Variants in ZNF646 observed in about 807,000 individuals in gnomAD.
ZNF646 encodes the protein zinc finger protein 646.
Under a neutral mutation model 115.4 loss-of-function variants are expected in ZNF646, and 49 were observed. The observed-to-expected ratio is 0.42, with a 90% CI of 0.34 to 0.54. The LOEUF is 0.54. Ranked by LOEUF, ZNF646 falls within the 20% of genes least tolerant of loss-of-function variation. The pLI is 0.04. For missense variants in ZNF646, 2,269 were observed against 2,457.9 expected (o/e 0.92, Z 1.62); for synonymous variants, 933 against 939.0 (o/e 0.99, Z 0.12).
At position 31,077,758 on chromosome 16, in the gene ZNF646, G is replaced by T; in HGVS notation, c.1434G>T (p.Gly478=). 6.2e-7 allele frequency: 1 copy of T among 1,614,040 alleles called. No individual in the cohort carries two copies. The highest frequency in any genetic ancestry group is 1.1e-5 in the South Asian group (1 of 91,088). ...SECGRAYRHR[G]SLVNHRHSHR... is the part of the protein sequence containing the mutation. Reference sequence around the variant, plus strand: ...GTGGTCGTGCTTACCGCCACCGGGGGAGCCTGGTGAACCATCGCCACAGCC... The same window carrying T: ...GTGGTCGTGCTTACCGCCACCGGGGTAGCCTGGTGAACCATCGCCACAGCC... Residue 478 remains glycine, a synonymous_variant, in exon 2 of 3, where the codon GGG becomes GGT. Coordinates refer to ENST00000300850, the MANE Select transcript of ZNF646 (RefSeq NM_014699.4).
intron 2 of ZNF646, chr16:31,082,492 G>A (rs2057175828): frequency 1.0e-5 from 2 of 192,040 alleles, no homozygotes; most frequent in South Asian, 2.4e-4. Flanking sequence ...AGCAACAACA[G>A]TCATTAGCCC....
chr16:31,081,439 G>T lies in ZNF646; in HGVS notation c.5115G>T (p.Pro1705=), dbSNP rs146321958. The T allele has an allele frequency of 6.2e-7, 1 of 1,614,136 alleles. No individual in the cohort carries two copies. Among genetic ancestry groups the T allele is most frequent in the South Asian group, 1.1e-5 (1 of 91,088 alleles). Reference sequence around the variant, plus strand: ...AGGCCCACACCACAGGGTTGTACCCGTGCTCCCTCTGTCCCAAACTTCTCC... The same window carrying T: ...AGGCCCACACCACAGGGTTGTACCCTTGCTCCCTCTGTCCCAAACTTCTCC... ...HQKAHTTGLY[P]CSLCPKLLPN... The change falls in exon 2 of 3, where the codon CCG becomes CCT. Residue 1705 remains proline, a synonymous_variant. Transcript: ENST00000300850.
chr16:31,078,354 G>C lies in ZNF646; in HGVS notation c.2030G>C (p.Arg677Pro). ...CGGCGGAGCAGGCGGCATCGGAAGC[G>C]GGCTGGCGGTGCCAGCGGTGGGAGA... ...SRRRSRRHRK[R>P]AGGASGGREA... The change falls in exon 2 of 3, where the codon CGG (arginine) becomes CCG (proline). Residue 677 changes from arginine (R) to proline (P), a missense_variant. Coordinates refer to ENST00000300850, the MANE Select transcript of ZNF646 (RefSeq NM_014699.4). 1.9e-6 allele frequency: 3 copies of C among 1,613,176 alleles called. No homozygotes were observed. The Admixed American group carries it at 5.0e-5, about 27-fold the overall frequency.
intron 1 of ZNF646, among the ~76,000 whole-genome samples, chr16:31,075,116 T>C (rs1379307702): frequency 2.6e-5 from 4 of 151,922 alleles, no homozygotes; most frequent in Non-Finnish European, 5.9e-5. Flanking sequence ...TCATCATCAG[T>C]ATTAAGAGAG....
At position 31,079,951 on chromosome 16, in the gene ZNF646, C is replaced by T. The variant is rs371439203; in HGVS notation, c.3627C>T (p.Gly1209=). Reference sequence around the variant, plus strand: ...GGCCCTTCAGCTGCGAGGTGTGTGGCCGATCCTACAAGCACGCCGGCAGCC... The same window carrying T: ...GGCCCTTCAGCTGCGAGGTGTGTGGTCGATCCTACAAGCACGCCGGCAGCC... The part of the protein sequence containing the change: ...SERPFSCEVC[G]RSYKHAGSLI... Residue 1209 remains glycine (G), a synonymous_variant, in exon 2 of 3, where the codon GGC becomes GGT. Coordinates refer to ENST00000300850, the MANE Select transcript of ZNF646 (RefSeq NM_014699.4). The surrounding 1 kb of genome is among the most constrained non-coding windows in gnomAD (Gnocchi z 5.5). 4.5e-5 allele frequency: 72 copies of T among 1,611,200 alleles called. No individual in the cohort carries two copies. The highest frequency in any genetic ancestry group is 1.6e-4 in the Middle Eastern group (1 of 6,080).
At chr16:31,082,851 C>A in intron 2 of ZNF646, 120 bp from the exon 3 acceptor site, 1 of 1,341,074 alleles carries the variant, frequency 7.5e-7, no homozygotes, top group Non-Finnish European at 1.0e-6. Flanking sequence ...GCCTAGAATC[C>A]CTGTTCTCAT....
Position 31,080,467 on chromosome 16 carries a change from G to C in ZNF646, c.4143G>C (p.Arg1381=), listed in dbSNP as rs2057140844. The C allele has an allele frequency of 6.2e-7, 1 of 1,613,428 alleles. No homozygotes were observed. The highest frequency in any genetic ancestry group is 8.5e-7 in the Non-Finnish European group (1 of 1,179,966). Residue 1381 remains arginine, a synonymous_variant, in exon 2 of 3, where the codon CGG becomes CGC. Coordinates refer to ENST00000300850, the MANE Select transcript of ZNF646 (RefSeq NM_014699.4). ...RSFPGRGSLE[R]HLREHEETER... is the part of the protein sequence containing the mutation. Reference sequence around the variant, plus strand: ...TCCCTGGCCGGGGATCTTTGGAGCGGCACCTGCGGGAGCATGAGGAGACAG... The same window carrying C: ...TCCCTGGCCGGGGATCTTTGGAGCGCCACCTGCGGGAGCATGAGGAGACAG...
chr16:31,078,693 G>C lies in ZNF646; in HGVS notation c.2369G>C (p.Gly790Ala). 6.2e-7 allele frequency: 1 copy of C among 1,614,090 alleles called. No homozygotes were observed. Among genetic ancestry groups the C allele is most frequent in the Non-Finnish European group, 8.5e-7 (1 of 1,180,026 alleles). The change falls in exon 2 of 3, where the codon GGG (glycine) becomes GCG (alanine). Residue 790 changes from glycine (G) to alanine (A), a missense_variant. Physicochemically the swap from Gly to Ala is moderately conservative, Grantham distance 60. This residue lies in a region of ZNF646 where 852 missense variants were observed against 900.2 expected (regional missense o/e 0.95). Transcript: ENST00000300850. Reference protein sequence around the residue: ...GGTHFCDSLTGVDEDQKPATG... With the variant: ...GGTHFCDSLTAVDEDQKPATG... The stretch of plus-strand genomic sequence containing the variant: ...ACTCACTTCTGCGATAGCCTCACTG[G>C]GGTGGATGAAGACCAGAAGCCAGCC...
At chr16:31,082,903 C>A in intron 2 of ZNF646, 68 bp from the exon 3 acceptor site, 34 of 1,526,238 alleles carry the variant, frequency 2.2e-5, no homozygotes, top group Non-Finnish European at 3.0e-5. Flanking sequence ...GCCTGCAGGG[C>A]TGGGAGGGGG....
Position 31,081,498 on chromosome 16 carries a change from C to T in ZNF646, c.5174C>T (p.Thr1725Ile). Residue 1725 changes from threonine to isoleucine, a missense_variant, in exon 2 of 3, where the codon ACC becomes ATC. Thr to Ile is a moderately conservative substitution (Grantham distance 89, BLOSUM62 -1). Around this residue, in one of 5 missense-constraint regions of ZNF646, gnomAD observed 1,062 missense variants for 1,172.8 expected, o/e 0.91. Coordinates refer to ENST00000300850, the MANE Select transcript of ZNF646 (RefSeq NM_014699.4). ...NLLSLKNHSR[T>I]HTDPKRHCCS... ...CTGTCTCTTAAGAACCACAGCAGGA[C>T]CCACACGGACCCCAAGCGCCACTGC... The T allele has an allele frequency of 6.2e-7, 1 of 1,614,200 alleles. No individual in the cohort carries two copies. Among genetic ancestry groups the T allele is most frequent in the Non-Finnish European group, 8.5e-7 (1 of 1,180,038 alleles).
chr16:31,078,052 C>T lies in ZNF646; in HGVS notation c.1728C>T (p.Ile576=). 1 of 1,614,222 alleles carries T rather than the reference C, an allele frequency of 6.2e-7. No homozygotes were observed. Among genetic ancestry groups the T allele is most frequent in the East Asian group, 2.2e-5 (1 of 44,886 alleles). The part of the protein sequence containing the change: ...TPAADKTAAH[I]CSICGLLFED... The stretch of plus-strand genomic sequence containing the variant: ...CAGCAGACAAGACAGCAGCACATAT[C>T]TGTAGCATCTGTGGGCTGCTCTTTG... The change falls in exon 2 of 3, where the codon ATC becomes ATT. Residue 576 remains isoleucine (I), a synonymous_variant. Coordinates refer to ENST00000300850, the MANE Select transcript of ZNF646 (RefSeq NM_014699.4).
chr16:31,077,985 A>G lies in ZNF646; in HGVS notation c.1661A>G (p.His554Arg), dbSNP rs2057100209. The G allele has an allele frequency of 1.2e-6, 2 of 1,614,070 alleles. No homozygotes were observed. The highest frequency in any genetic ancestry group is 1.7e-6 in the Non-Finnish European group (2 of 1,180,048). The change falls in exon 2 of 3, where the codon CAT (histidine) becomes CGT (arginine). Residue 554 changes from histidine to arginine, a missense_variant. By Grantham distance (29) the His-to-Arg change is conservative. Around this residue, in one of 5 missense-constraint regions of ZNF646, gnomAD observed 852 missense variants for 900.2 expected, o/e 0.95. Coordinates refer to ENST00000300850, the MANE Select transcript of ZNF646 (RefSeq NM_014699.4). ...GCAGCCCCGCACACAGATCAGGACC[A>G]TGTGTGCAAACATGAAGAAGAGGCC... is the stretch of plus-strand genomic sequence containing the variant. ...AEAAPHTDQDHVCKHEEEATD... is the reference protein window; with the variant it reads ...AEAAPHTDQDRVCKHEEEATD...
In ZNF646 at chr16:31,077,911, C is replaced by T; in HGVS notation, c.1587C>T (p.Ala529=). Reference sequence around the variant, plus strand: ...GTGCAGACATCGGGGCTGAGGGTGCCCCCAGCCACCTCAAGGTAGAACTCC... The same window carrying T: ...GTGCAGACATCGGGGCTGAGGGTGCTCCCAGCCACCTCAAGGTAGAACTCC... ...RRSADIGAEG[A]PSHLKVELPP... The change falls in exon 2 of 3, where the codon GCC becomes GCT. Residue 529 remains alanine (A), a synonymous_variant. Transcript: ENST00000300850. The T allele has an allele frequency of 1.9e-6, 3 of 1,613,700 alleles. No individual in the cohort carries two copies. In the South Asian group the frequency reaches 3.3e-5, roughly 18 times the overall value.
At chr16:31,081,770 G>A (rs751641515) in intron 2 of ZNF646, 69 bp downstream of exon 2, 29 of 1,477,892 alleles carry the variant, frequency 2.0e-5, no homozygotes, top group African/African-American at 5.6e-5. Context: ...CCCCAAAGTC[G>A]GTGGGGGAGC....
rs2057130205 is a variant in ZNF646 at position 31,079,796 on chromosome 16, G to A, written c.3472G>A (p.Val1158Met). ...CGAGAAGCTCCAGGAAGAACTTAAA[G>A]TGGAGCCCCTGGAGGAAGTGGCCAG... is the stretch of plus-strand genomic sequence containing the variant. Reference protein sequence around the residue: ...EVEKLQEELKVEPLEEVARVK... With the variant: ...EVEKLQEELKMEPLEEVARVK... The change falls in exon 2 of 3, where the codon GTG becomes ATG. Residue 1158 changes from valine (V) to methionine (M), a missense_variant. By Grantham distance (21) the Val-to-Met change is conservative (BLOSUM62 1). Coordinates refer to ENST00000300850, the MANE Select transcript of ZNF646 (RefSeq NM_014699.4). The surrounding 1 kb of genome is among the most constrained non-coding windows in gnomAD (Gnocchi z 5.5). The A allele has an allele frequency of 1.2e-6, 2 of 1,613,662 alleles. No individual in the cohort carries two copies. Among genetic ancestry groups the A allele is most frequent in the Admixed American group, 3.3e-5 (2 of 59,976 alleles).
chr16:31,084,022 C>T lies in ZNF646; in HGVS notation c.*930C>T, dbSNP rs1201341704. The T allele has an allele frequency of 6.7e-7, 1 of 1,503,518 alleles. No individual in the cohort carries two copies. Among genetic ancestry groups the T allele is most frequent in the East Asian group, 2.5e-5 (1 of 40,486 alleles). 93.1% of individuals were successfully genotyped at this position (1,503,518 alleles called of 1,614,324 possible). Reference sequence around the variant, plus strand: ...GGGTCTGCCTGTTGCTCCACCCTACCCAAGGCAGCTGGAGTGGGTTAGAAC... The same window carrying T: ...GGGTCTGCCTGTTGCTCCACCCTACTCAAGGCAGCTGGAGTGGGTTAGAAC... On this transcript the variant is annotated 3_prime_UTR_variant, in exon 3 of 3. Transcript: ENST00000300850.
In ZNF646 at chr16:31,077,236, G is replaced by A. The variant is rs779022945; in HGVS notation, c.912G>A (p.Arg304=). 7 of 1,613,978 alleles carry A rather than the reference G, an allele frequency of 4.3e-6. No individual in the cohort carries two copies. Among genetic ancestry groups the A allele is most frequent in the South Asian group, 1.1e-5 (1 of 91,088 alleles). The part of the protein sequence containing the change: ...YHCPHCPRVF[R]LPRELLEHQQ... ...GTCCCCACTGCCCCCGTGTCTTCCG[G>A]CTCCCCCGGGAGCTGCTGGAACACC... The change falls in exon 2 of 3, where the codon CGG becomes CGA. Residue 304 remains arginine, a synonymous_variant. Coordinates refer to ENST00000300850, the MANE Select transcript of ZNF646 (RefSeq NM_014699.4).
rs2143801444 is a variant in ZNF646 at position 31,076,424 on chromosome 16, C to T, written c.100C>T (p.Pro34Ser). Residue 34 changes from proline (P) to serine (S), a missense_variant, in exon 2 of 3, where the codon CCC becomes TCC. By Grantham distance (74) the Pro-to-Ser change is moderately conservative (BLOSUM62 -1). Transcript: ENST00000300850. ...GCACCGAGAACTGCTCCATCCATCT[C>T]CCAACCAGGACAGTGAGGAGGCTGA... Reference protein sequence around the residue: ...SRHRELLHPSPNQDSEEADSI... With the variant: ...SRHRELLHPSSNQDSEEADSI... 3 of 1,614,080 alleles carry T rather than the reference C, an allele frequency of 1.9e-6. No individual in the cohort carries two copies. Among genetic ancestry groups the T allele is most frequent in the East Asian group, 2.2e-5 (1 of 44,880 alleles).
At position 31,077,099 on chromosome 16, in the gene ZNF646, C is replaced by T; in HGVS notation, c.775C>T (p.Gln259Ter). The change falls in exon 2 of 3, where the codon CAG becomes TAG. Residue 259 changes from glutamine to a stop codon, truncating the protein, a stop_gained. Coordinates refer to ENST00000300850, the MANE Select transcript of ZNF646 (RefSeq NM_014699.4). LOFTEE classifies it high-confidence loss of function. ...CGCCGGGAGCCTCACCAACCACCGC[C>T]AGAGCCACACGCTGGGCATCTACCC... is the stretch of plus-strand genomic sequence containing the variant. ...KHAGSLTNHR[Q>*]SHTLGIYPCA... 1 of 1,614,170 alleles carries T rather than the reference C, an allele frequency of 6.2e-7. No individual in the cohort carries two copies. The highest frequency in any genetic ancestry group is 8.5e-7 in the Non-Finnish European group (1 of 1,180,042).
Sources: allele counts gnomAD v4.1 joint callset (sites outside exome capture counted in the v4.1 genomes callset), GRCh38; gene constraint gnomAD v4.1.1; regional missense constraint gnomAD v4.1.1; non-coding constraint Gnocchi (gnomAD v3.1); transcripts MANE v1.5; gene names NCBI Gene and HGNC (gene_info 2026-07-23, HGNC 2026-07-21).